FLNA: variants seen among roughly 807,000 people sequenced by gnomAD.
FLNA encodes filamin-A.
A neutral mutation model predicts 157.6 loss-of-function variants in FLNA; 7 were observed. The observed-to-expected ratio is 0.04, with a 90% CI of 0.03 to 0.08. The LOEUF is 0.08. Among genes scored for constraint, FLNA ranks in the 10% least tolerant of loss-of-function variants. FLNA has a pLI of 1.00. For missense variants in FLNA, 1,750 were observed against 2,398.4 expected, an observed-to-expected ratio of 0.73 and a Z score of 5.65; for synonymous variants, 1,103 against 1,060.8, an observed-to-expected ratio of 1.04 and a Z score of -0.77.
intron 30 of FLNA, 79 bp downstream of exon 30, chrX:154,357,172 G>C: frequency 1.0e-6 from 1 of 988,809 alleles, no homozygotes; most frequent in Non-Finnish European, 1.4e-6. Flanking sequence ...GAACTGTCCT[G>C]GGAATCGGCC....
At chrX:154,363,489 C>A (rs1557178511) in intron 15 of FLNA, among the ~76,000 whole-genome samples, 2 of 109,413 alleles carry the variant, frequency 1.8e-5, no homozygotes, top group Non-Finnish European at 3.8e-5. Context: ...CCGAGGTGGG[C>A]AGATCACAAG....
In FLNA at chrX:154,350,017, A is replaced by C; in HGVS notation, c.7333+14T>G. The stretch of plus-strand genomic sequence containing the variant: ...CAGCTGTGTGCACACGTGCAGCCGC[A>C]CCGACAGACTTACCTGTGACACCGC... On this transcript the variant is annotated intron_variant, in intron 45 of 47. Coordinates refer to ENST00000369850, the MANE Select transcript of FLNA (RefSeq NM_001110556.2). The C allele has an allele frequency of 8.3e-7, 1 of 1,210,256 alleles. No individual in the cohort carries two copies. The highest frequency in any genetic ancestry group is 1.1e-6 in the Non-Finnish European group (1 of 894,564).
intron 2 of FLNA, among the ~76,000 whole-genome samples, chrX:154,368,292 G>A (rs2067778583): frequency 9.0e-6 from 1 of 111,470 alleles, no homozygotes; most frequent in Admixed American, 9.5e-5. Flanking sequence ...GAGACTTTGG[G>A]GTGAGGGCAG....
At position 154,359,327 on chromosome X, in the gene FLNA, C is replaced by T. The variant is rs797045578; in HGVS notation, c.4222G>A (p.Gly1408Ser). 5 of 1,211,175 alleles carry T rather than the reference C, an allele frequency of 4.1e-6. No homozygotes were observed. Among genetic ancestry groups the T allele is most frequent in the Admixed American group, 2.2e-5 (1 of 46,097 alleles). The change falls in exon 25 of 48, where the codon GGC becomes AGC. Residue 1408 changes from glycine to serine, a missense_variant. Physicochemically the swap from Gly to Ser is moderately conservative, Grantham distance 56. Transcript: ENST00000369850. ...AKMSCMDNKD[G>S]SCSVEYIPYE... ...GGGATGTACTCGACCGAGCAGCTGCCGTCCTTGTTATCCATGCAGGACATC... is the reference window on the plus strand; with the variant it reads ...GGGATGTACTCGACCGAGCAGCTGCTGTCCTTGTTATCCATGCAGGACATC...
chrX:154,361,216 ATTT>A, intron 21 of FLNA, 89 bp downstream of exon 21: 5 of 733,292 alleles, frequency 6.8e-6, no homozygotes, highest in Non-Finnish European at 9.9e-6. Context: ...AAAAAAAAGG[ATTT>A]AGGGCAGGTC....
In FLNA at chrX:154,359,720, CCCAG is replaced by C. The variant is rs781854538; in HGVS notation, c.3979+8_3979+11del. 1.9e-5 allele frequency: 23 copies of C among 1,209,056 alleles called. No homozygotes were observed. In the Admixed American group the frequency reaches 5.0e-4, roughly 26 times the overall value. On this transcript the variant is annotated splice_region_variant and intron_variant, in intron 23 of 47. Coordinates refer to ENST00000369850, the MANE Select transcript of FLNA (RefSeq NM_001110556.2). ...CCCCGTCTGCCAGCCTGTGGGAGTC[CCCAG>C]CACGCACCCTCCTCGTAAGGCGTGT...
Position 154,350,220 on chromosome X carries a change from G to A in FLNA, c.7157-13C>T. On this transcript the variant is annotated splice_polypyrimidine_tract_variant and intron_variant, in intron 44 of 47. Coordinates refer to ENST00000369850, the MANE Select transcript of FLNA (RefSeq NM_001110556.2). ...ACAGCATACTTATCTGAGGAGCAGG[G>A]AGTCATGCTGTGGGCCTGGGGCCCC... The A allele has an allele frequency of 8.3e-7, 1 of 1,208,685 alleles. No homozygotes were observed. Among genetic ancestry groups the A allele is most frequent in the Non-Finnish European group, 1.1e-6 (1 of 892,833 alleles).
At chrX:154,365,522 C>T (rs782122386) in intron 9 of FLNA, 36 bp from the exon 10 acceptor site, 7 of 1,201,836 alleles carry the variant, frequency 5.8e-6, no homozygotes, top group East Asian at 3.0e-5. Flanking sequence ...ACCAGCAGCT[C>T]GGCTGGGCGA....
Position 154,358,430 on chromosome X carries a change from G to A in FLNA, c.4598+15C>T. ...CCTGGGCCACTCCCCACAGGCAGCA[G>A]GCCCTGCCTCTTACCTCCGGGGTAC... On this transcript the variant is annotated intron_variant, in intron 27 of 47. Coordinates refer to ENST00000369850, the MANE Select transcript of FLNA (RefSeq NM_001110556.2). The A allele has an allele frequency of 8.3e-7, 1 of 1,211,026 alleles. No individual in the cohort carries two copies. The highest frequency in any genetic ancestry group is 1.1e-6 in the Non-Finnish European group (1 of 895,015).
intron 2 of FLNA, among the ~76,000 whole-genome samples, chrX:154,368,581 GGTTGGGAAATACAACT>G (rs2067780771): frequency 1.8e-5 from 2 of 112,238 alleles, no homozygotes; most frequent in Admixed American, 9.3e-5. Context: ...GGCCCTGGGT[GGTTGGGAAATACAACT>G]GTTGTTCCAG....
chrX:154,355,850 G>A (rs1285758714), intron 30 of FLNA, among the ~76,000 whole-genome samples: 2 of 112,913 alleles, frequency 1.8e-5, no homozygotes, highest in Non-Finnish European at 3.8e-5. Context: ...CTCCGCCGTG[G>A]AGGCTTGGGG....
At chrX:154,355,438 C>A (rs1218536184) in intron 30 of FLNA, among the ~76,000 whole-genome samples, 1 of 113,919 alleles carries the variant, frequency 8.8e-6, no homozygotes, top group Non-Finnish European at 1.9e-5. Flanking sequence ...GCTGGGCACA[C>A]GGCTGCCTGC....
At chrX:154,357,405 C>T (rs1196263903) in intron 29 of FLNA, 29 bp downstream of exon 29, 1 of 1,201,715 alleles carries the variant, frequency 8.3e-7, no homozygotes, top group African/African-American at 1.7e-5. Flanking sequence ...GTGCCGAGCG[C>T]CGCAGCGGCC....
At position 154,362,167 on chromosome X, in the gene FLNA, C is replaced by T. The variant is rs782352062; in HGVS notation, c.2657-19G>A. ...TCGACACCTGAGGAACACACAGGGA[C>T]CATGTAGGGGCACCCTGCCCCAAGC... On this transcript the variant is annotated intron_variant, in intron 18 of 47. Transcript: ENST00000369850. 3.5e-5 allele frequency: 42 copies of T among 1,208,862 alleles called. No individual in the cohort carries two copies. The highest frequency in any genetic ancestry group is 4.5e-6 in the Non-Finnish European group (4 of 894,100).
chrX:154,371,367 G>A lies in FLNA; in HGVS notation c.-116-6C>T, dbSNP rs1323520006. 11 of 916,602 alleles carry A rather than the reference G, an allele frequency of 1.2e-5. No individual in the cohort carries two copies. Among genetic ancestry groups the A allele is most frequent in the Middle Eastern group, 4.1e-4 (1 of 2,460 alleles). The allele number at this position is 916,602 out of a possible 1,213,427, so 75.5% of individuals were successfully genotyped here. On this transcript the variant is annotated splice_region_variant and splice_polypyrimidine_tract_variant and intron_variant, in intron 1 of 47. Transcript: ENST00000369850. ...GGCAGGGAGCAGAGGTTGCGCTGCGGAGAGAGCGAGCCCTTTAAATGCGGG... is the reference window on the plus strand; with the variant it reads ...GGCAGGGAGCAGAGGTTGCGCTGCGAAGAGAGCGAGCCCTTTAAATGCGGG...
chrX:154,355,461 T>TGGCCCC (rs1337621951), intron 30 of FLNA, among the ~76,000 whole-genome samples: 1 of 113,866 alleles, frequency 8.8e-6, no homozygotes, highest in Admixed American at 9.2e-5. Context: ...CCTTCTGGCC[T>TGGCCCC]GGCCCCGGCC....
rs2148104996 is a variant in FLNA at position 154,353,078 on chromosome X, A to G, written c.6149T>C (p.Val2050Ala). The change falls in exon 38 of 48, where the codon GTT becomes GCT. Residue 2050 changes from valine to alanine, a missense_variant. Coordinates refer to ENST00000369850, the MANE Select transcript of FLNA (RefSeq NM_001110556.2). Reference sequence around the variant, plus strand: ...GTGAAGGCCCTGACCAGAGACCCGAACACGACTGGCATCCCCAATTTCCGA... The same window carrying G: ...GTGAAGGCCCTGACCAGAGACCCGAGCACGACTGGCATCCCCAATTTCCGA... ...SQSEIGDASRVRVSGQGLHEG... is the reference protein window; with the variant it reads ...SQSEIGDASRARVSGQGLHEG... 23 of 1,211,552 alleles carry G rather than the reference A, an allele frequency of 1.9e-5. No individual in the cohort carries two copies. The highest frequency in any genetic ancestry group is 2.6e-5 in the Non-Finnish European group (23 of 895,412).
chrX:154,348,968 C>T lies in FLNA; in HGVS notation c.7825G>A (p.Val2609Met). Residue 2609 changes from valine to methionine, a missense_variant, in exon 48 of 48, where the codon GTG becomes ATG. Physicochemically the swap from Val to Met is conservative, Grantham distance 21 (BLOSUM62 1). Transcript: ENST00000369850. ...TPCEEILVKHVGSRLYSVSYL... is the reference protein window; with the variant it reads ...TPCEEILVKHMGSRLYSVSYL... Reference sequence around the variant, plus strand: ...GACACGCTGTAGAGCCGGCTGCCCACGTGCTTCACCAGGATCTCCTCGCAG... The same window carrying T: ...GACACGCTGTAGAGCCGGCTGCCCATGTGCTTCACCAGGATCTCCTCGCAG... 9 of 1,209,981 alleles carry T rather than the reference C, an allele frequency of 7.4e-6. No homozygotes were observed. Among genetic ancestry groups the T allele is most frequent in the Non-Finnish European group, 1.0e-5 (9 of 895,010 alleles).
rs2067769526 is a variant in FLNA, at chrX:154,367,278, G to A, written c.868+119C>T. ...CCCACTCTTGTCTGACTCTTGGGTG[G>A]CTTGATCACCTAGCCGCCATGTAAC... On this transcript the variant is annotated intron_variant, in intron 5 of 47. Transcript: ENST00000369850. The A allele has an allele frequency of 1.1e-5, 9 of 784,576 alleles. No individual in the cohort carries two copies. The South Asian group carries it at 2.2e-4, about 19-fold the overall frequency. The allele number at this position is 784,576 out of a possible 1,213,427, so 64.7% of individuals were successfully genotyped here.
Sources: allele counts gnomAD v4.1 joint callset (sites outside exome capture counted in the v4.1 genomes callset), GRCh38; gene constraint gnomAD v4.1.1; transcripts MANE v1.5; gene names NCBI Gene and HGNC (gene_info 2026-07-23, HGNC 2026-07-21).